The following MEI1 variants were observed in gnomAD, a reference collection of about 807,000 sequenced individuals.
MEI1 encodes the protein meiosis inhibitor protein 1.
Under a neutral mutation model 146.2 loss-of-function variants are expected in MEI1, and 103 were observed. The observed-to-expected ratio is 0.70, with a 90% CI of 0.60 to 0.83. MEI1 has a LOEUF of 0.83. Ranked by LOEUF, MEI1 falls within the 40% of genes least tolerant of loss-of-function variation. MEI1 has a pLI of 0.00. For missense variants in MEI1, 1,529 were observed against 1,533.0 expected (o/e 1.00, Z 0.04); for synonymous variants, 652 against 628.2 (o/e 1.04, Z -0.57).
chr22:41,700,749 A>AATTT (rs1317653538), intron 1 of MEI1, among the ~76,000 whole-genome samples: 63 of 117,640 alleles, frequency 5.4e-4, no homozygotes, highest in African/African-American at 2.3e-3. Flanking sequence ...GCAGTTCTCA[A>AATTT]TTTTTTTTTT....
At chr22:41,788,450 G>GT (rs879359943) in intron 26 of MEI1, among the ~76,000 whole-genome samples, 70 of 148,626 alleles carry the variant, frequency 4.7e-4, no homozygotes, top group Admixed American at 2.9e-3. Flanking sequence ...GTTTTGTTTT[G>GT]TTTTTTTTGA....
intron 11 of MEI1, among the ~76,000 whole-genome samples, chr22:41,738,633 G>A (rs1170445486): frequency 6.6e-6 from 1 of 151,222 alleles, no homozygotes; most frequent in African/African-American, 2.4e-5. Flanking sequence ...TTAGCTGGGC[G>A]TGGTGGCACA....
chr22:41,769,721 C>G (rs1015119646), intron 19 of MEI1, among the ~76,000 whole-genome samples: 1 of 151,822 alleles, frequency 6.6e-6, no homozygotes, highest in African/African-American at 2.4e-5. Flanking sequence ...ATCCGCCCAC[C>G]TCAGCCTCCC....
chr22:41,759,666 T>C (rs1211094269), intron 18 of MEI1, among the ~76,000 whole-genome samples: 2 of 124,272 alleles, frequency 1.6e-5, no homozygotes, highest in African/African-American at 3.5e-5. Context: ...TAAATAAAAA[T>C]AAAAATACAA....
intron 26 of MEI1, among the ~76,000 whole-genome samples, chr22:41,791,196 T>C (rs1317877206): frequency 6.6e-6 from 1 of 152,024 alleles, no homozygotes; most frequent in Non-Finnish European, 1.5e-5. Context: ...GTTTGAAAGC[T>C]CTCTCTCGGG....
At position 41,713,989 on chromosome 22, in the gene MEI1, T is replaced by G. The variant is rs757230294; in HGVS notation, c.350-13T>G. The G allele has an allele frequency of 6.4e-7, 1 of 1,574,186 alleles. No individual in the cohort carries two copies. On this transcript the variant is annotated splice_polypyrimidine_tract_variant and intron_variant, in intron 3 of 30. Coordinates refer to ENST00000401548, the MANE Select transcript of MEI1 (RefSeq NM_152513.4). ...GGTGCCTCCTGGTTAGTAATACTGT[T>G]GTGTCTGTTCAGTCCTTATTCAGAT... is the stretch of plus-strand genomic sequence containing the variant.
intron 2 of MEI1, among the ~76,000 whole-genome samples, chr22:41,704,706 A>C (rs1601621987): frequency 6.6e-6 from 1 of 151,610 alleles, no homozygotes; most frequent in African/African-American, 2.4e-5. Context: ...GAGCCACTGC[A>C]CCCTGCCACA....
intron 14 of MEI1, among the ~76,000 whole-genome samples, chr22:41,746,694 T>TG (rs1162846735): frequency 6.6e-6 from 1 of 152,126 alleles, no homozygotes; most frequent in African/African-American, 2.4e-5. Context: ...TATGAGCCTG[T>TG]GAGGAGTCCC....
At chr22:41,757,506 C>T (rs151160832) in intron 17 of MEI1, among the ~76,000 whole-genome samples, 2,468 of 152,134 alleles carry the variant, frequency 0.016, 47 homozygotes, top group Admixed American at 0.059. Context: ...TACAGGCGCC[C>T]GCCATCATAG....
chr22:41,785,286 G>A (rs931957457), intron 26 of MEI1, among the ~76,000 whole-genome samples: 19 of 149,288 alleles, frequency 1.3e-4, no homozygotes, highest in African/African-American at 3.5e-4. Context: ...TTTTTTAGAC[G>A]GAGTCTAGCT....
intron 6 of MEI1, among the ~76,000 whole-genome samples, chr22:41,721,216 G>GCA (rs2070758094): frequency 6.7e-6 from 1 of 148,934 alleles, no homozygotes; most frequent in African/African-American, 2.5e-5. Flanking sequence ...GGGATTACAG[G>GCA]TGTTAGCCAC....
chr22:41,739,282 G>A (rs1034302258), intron 11 of MEI1, among the ~76,000 whole-genome samples: 2 of 152,052 alleles, frequency 1.3e-5, no homozygotes, highest in Non-Finnish European at 2.9e-5. Flanking sequence ...CATGTCCTTG[G>A]CATTTTTGCT....
At chr22:41,794,900 ATAAC>A (rs2076308411) in intron 28 of MEI1, among the ~76,000 whole-genome samples, 1 of 152,228 alleles carries the variant, frequency 6.6e-6, no homozygotes. Context: ...CCTTGAATAA[ATAAC>A]AAAGCAGCAG....
chr22:41,765,089 C>T (rs1409290855), intron 19 of MEI1, among the ~76,000 whole-genome samples: 1 of 152,208 alleles, frequency 6.6e-6, no homozygotes, highest in East Asian at 1.9e-4. Flanking sequence ...ACTGTAACCT[C>T]CGCTTCCCAG....
intron 8 of MEI1, among the ~76,000 whole-genome samples, 200 bp downstream of exon 8, chr22:41,729,979 G>A (rs769962547): frequency 6.6e-6 from 1 of 152,090 alleles, no homozygotes; most frequent in Non-Finnish European, 1.5e-5. Flanking sequence ...ACCTAATGTG[G>A]GGTGGTGAAA....
chr22:41,733,353 G>T (rs2413656), intron 11 of MEI1, among the ~76,000 whole-genome samples: 96,894 of 151,838 alleles, frequency 0.64, 34,055 homozygotes, highest in East Asian at 0.92. Context: ...GAAGGCTGAG[G>T]TGGGAGGATT....
At chr22:41,782,248 T>C (rs2075785574) in intron 24 of MEI1, among the ~76,000 whole-genome samples, 1 of 152,140 alleles carries the variant, frequency 6.6e-6, no homozygotes, top group African/African-American at 2.4e-5. Context: ...ATTCAGGACA[T>C]GCTCTGTATA....
intron 17 of MEI1, among the ~76,000 whole-genome samples, chr22:41,757,599 T>C (rs1393378380): frequency 2.6e-5 from 4 of 151,878 alleles, no homozygotes; most frequent in Non-Finnish European, 5.9e-5. Context: ...TCAGGTGATA[T>C]ACCCTCCTCA....
intron 19 of MEI1, among the ~76,000 whole-genome samples, chr22:41,764,255 C>T (rs1259619707): frequency 7.2e-5 from 11 of 152,080 alleles, no homozygotes; most frequent in Admixed American, 2.0e-4. Context: ...CCACCGTGCC[C>T]GGCTGGAAGT....
Sources: allele counts gnomAD v4.1 joint callset (sites outside exome capture counted in the v4.1 genomes callset), GRCh38; gene constraint gnomAD v4.1.1; transcripts MANE v1.5; gene names NCBI Gene and HGNC (gene_info 2026-07-23, HGNC 2026-07-21).